Variants in BMP1 observed in about 807,000 individuals in gnomAD.
BMP1 encodes mammalian tolloid protein.
Under a neutral mutation model 116.8 loss-of-function variants are expected in BMP1, and 63 were observed. The observed-to-expected ratio is 0.54, with a 90% CI of 0.44 to 0.67. The LOEUF is 0.67. Ranked by LOEUF, BMP1 falls within the 30% of genes least tolerant of loss-of-function variation. BMP1 has a pLI of 0.00. For synonymous variants in BMP1, 536 were observed against 533.4 expected (o/e 1.00, Z -0.07); for missense variants, 1,183 against 1,358.9 (o/e 0.87, Z 2.04).
chr8:22,206,088 C>T (rs115540931), intron 16 of BMP1, among the ~76,000 whole-genome samples: 3,120 of 152,264 alleles, frequency 0.02, 108 homozygotes, highest in African/African-American at 0.072. Flanking sequence ...ACAGGTCAGC[C>T]GGGTGCAGTG....
chr8:22,176,920 C>T, intron 4 of BMP1, 41 bp from the exon 5 acceptor site: 1 of 1,553,918 alleles, frequency 6.4e-7, no homozygotes, highest in Non-Finnish European at 8.7e-7. Context: ...ATGCACTCCC[C>T]CAGCTCGGGA....
chr8:22,177,676 C>G (rs970094887), intron 5 of BMP1, 176 bp from the exon 6 acceptor site: 13 of 765,272 alleles, frequency 1.7e-5, no homozygotes, highest in Non-Finnish European at 2.9e-5. Context: ...GGACAGGACT[C>G]TTCCTGAGAC....
At chr8:22,196,560 C>T in intron 13 of BMP1, 120 bp from the exon 14 acceptor site, 1 of 1,485,758 alleles carries the variant, frequency 6.7e-7, no homozygotes, top group South Asian at 1.2e-5. Context: ...ACACAGGTCC[C>T]TGAGCCTTGG....
chr8:22,209,777 G>C, intron 19 of BMP1, 82 bp downstream of exon 19: 1 of 1,487,238 alleles, frequency 6.7e-7, no homozygotes, highest in Non-Finnish European at 9.1e-7. Flanking sequence ...CAGTCTCCAA[G>C]ACCTAGCGCC....
intron 8 of BMP1, among the ~76,000 whole-genome samples, chr8:22,187,716 A>G (rs1828817144): frequency 6.6e-6 from 1 of 151,988 alleles, no homozygotes; most frequent in South Asian, 2.1e-4. Flanking sequence ...TTTCTCTCTA[A>G]TTCCAGGATT....
chr8:22,188,149 G>A (rs1828829521), intron 8 of BMP1, among the ~76,000 whole-genome samples: 1 of 151,124 alleles, frequency 6.6e-6, no homozygotes, highest in Non-Finnish European at 1.5e-5. Context: ...CTCCCCAGTG[G>A]AGCCATTATG....
chr8:22,182,036 C>G (rs979251026), intron 8 of BMP1, among the ~76,000 whole-genome samples: 5 of 152,212 alleles, frequency 3.3e-5, no homozygotes, highest in African/African-American at 7.2e-5. Flanking sequence ...CACACAGACT[C>G]TGGACCTCCG....
Position 22,176,182 on chromosome 8 carries a change from A to AAGCTGCCAGAGCTGCCAGAGCTGC in BMP1, c.302_303insAGCTGCCAGAGCTGCCAGAGCTGC (p.Asn101delinsLysAlaAlaArgAlaAlaArgAlaAla). On this transcript the variant is annotated protein_altering_variant, in exon 3 of 20. Transcript: ENST00000306385. ...TCTACCCCCAGCTGCCAGAGCACCA[A>AAGCTGCCAGAGCTGCCAGAGCTGC]CGGGCAGCCTCAGAGGGGAGCCTGT... 1.2e-6 allele frequency: 2 copies of AAGCTGCCAGAGCTGCCAGAGCTGC among 1,614,062 alleles called. No homozygotes were observed. The highest frequency in any genetic ancestry group is 1.7e-6 in the Non-Finnish European group (2 of 1,180,002).
At chr8:22,173,952 C>G (rs904803200) in intron 2 of BMP1, among the ~76,000 whole-genome samples, 2 of 152,252 alleles carry the variant, frequency 1.3e-5, no homozygotes, top group African/African-American at 4.8e-5. Context: ...TTAAAAACCA[C>G]TTTCAAAAGT....
At chr8:22,166,930 CATT>C (rs1267475214) in intron 1 of BMP1, among the ~76,000 whole-genome samples, 8 of 152,182 alleles carry the variant, frequency 5.3e-5, no homozygotes, top group Non-Finnish European at 1.2e-4. Context: ...CCCTGCTACT[CATT>C]ATAGCTGTAC....
At chr8:22,192,197 T>G (rs1360353473) in intron 9 of BMP1, 46 bp downstream of exon 9, 2 of 1,519,366 alleles carry the variant, frequency 1.3e-6, no homozygotes, top group Non-Finnish European at 1.8e-6. Flanking sequence ...TGATTCCCTC[T>G]CTGAGCCACC....
rs748081740 is a variant in BMP1 at position 22,199,148 on chromosome 8, CGCACACACATGT to C, written c.2107+1739_2107+1750del. ...CTGCACGGAGACACACACGCCCACACGCACACACATGTGCACACACATTGCCCCATCGCACAA... is the reference window on the plus strand; with the variant it reads ...CTGCACGGAGACACACACGCCCACACGCACACACATTGCCCCATCGCACAA... On this transcript the variant is annotated intron_variant, in intron 15 of 19. Transcript: ENST00000306385. The C allele has an allele frequency of 5.1e-6, 7 of 1,367,658 alleles. No individual in the cohort carries two copies. In the East Asian group the frequency reaches 2.3e-4, roughly 44 times the overall value. The allele number at this position is 1,367,658 out of a possible 1,614,324, so 84.7% of individuals were successfully genotyped here. A position where few individuals can be genotyped will look rare whatever the true frequency, so the allele number is the denominator to read the frequency against.
chr8:22,200,893 C>G (rs76571871), intron 15 of BMP1, among the ~76,000 whole-genome samples: 3 of 152,158 alleles, frequency 2.0e-5, no homozygotes, highest in Non-Finnish European at 4.4e-5. Context: ...GGCTCTGTCT[C>G]TGTCCCGTCG....
intron 8 of BMP1, among the ~76,000 whole-genome samples, chr8:22,182,640 T>G (rs541219561): frequency 6.6e-6 from 1 of 152,342 alleles, no homozygotes; most frequent in South Asian, 2.1e-4. Context: ...CTGCCTTGTT[T>G]TCAGTGAACC....
chr8:22,195,625 C>A, intron 13 of BMP1, 38 bp downstream of exon 13: 1 of 1,580,160 alleles, frequency 6.3e-7, no homozygotes, highest in Non-Finnish European at 8.5e-7. Context: ...CTGTTCTTTC[C>A]CTGGCACCAG....
chr8:22,197,236 G>A lies in BMP1; in HGVS notation c.1927-4G>A. ...GGCGGGCCTGGAGCTGGGCTTCCCT[G>A]CAGGTGTGCAAGTACGACTTCGTGG... On this transcript the variant is annotated splice_polypyrimidine_tract_variant and splice_region_variant and intron_variant, in intron 14 of 19. Coordinates refer to ENST00000306385, the MANE Select transcript of BMP1 (RefSeq NM_006129.5). 1 of 1,606,296 alleles carries A rather than the reference G, an allele frequency of 6.2e-7. No individual in the cohort carries two copies.
In BMP1 at chr8:22,201,942, G is replaced by T; in HGVS notation, c.2233+14G>T. ...ACTGCAAAGAAGGTACGGGCTGCAT[G>T]CCAGGGGCATCTGGGCTTGAAGGAC... On this transcript the variant is annotated intron_variant, in intron 16 of 19. Coordinates refer to ENST00000306385, the MANE Select transcript of BMP1 (RefSeq NM_006129.5). The T allele has an allele frequency of 6.2e-7, 1 of 1,605,248 alleles. No individual in the cohort carries two copies. Among genetic ancestry groups the T allele is most frequent in the Non-Finnish European group, 8.5e-7 (1 of 1,175,050 alleles).
intron 16 of BMP1, among the ~76,000 whole-genome samples, chr8:22,205,925 C>G (rs6983732): frequency 6.6e-6 from 1 of 151,986 alleles, no homozygotes; most frequent in African/African-American, 2.4e-5. Context: ...CTCAAGGAAC[C>G]GAGAGGCCGT....
At chr8:22,181,690 C>A (rs1224503860) in intron 8 of BMP1, among the ~76,000 whole-genome samples, 2 of 152,098 alleles carry the variant, frequency 1.3e-5, no homozygotes, top group East Asian at 3.9e-4. Flanking sequence ...GTAGCTGGGA[C>A]TGCAGATGTG....
Sources: gnomAD v4.1 joint callset for allele counts (sites outside exome capture counted in the v4.1 genomes callset) on GRCh38, gnomAD v4.1.1 for gene constraint, MANE v1.5 for transcripts, NCBI Gene and HGNC (gene_info 2026-07-23, HGNC 2026-07-21) for gene names.